Variants in ACBD6 observed in about 807,000 individuals in gnomAD.
The protein encoded by ACBD6 is acyl-CoA binding domain containing 6.
ACBD6 carries 28 observed loss-of-function variants against 37.2 expected under a neutral mutation model. The observed-to-expected ratio is 0.75, with a 90% CI of 0.56 to 1.03. The LOEUF is 1.03. Among genes scored for constraint, ACBD6 ranks in the 50% least tolerant of loss-of-function variants. The pLI is 0.00. For missense variants in ACBD6, 340 were observed against 337.4 expected (o/e 1.01, Z -0.06); for synonymous variants, 113 against 126.8 (o/e 0.89, Z 0.73).
At chr1:180,340,361 A>G (rs1443072224) in intron 6 of ACBD6, among the ~76,000 whole-genome samples, 1 of 152,064 alleles carries the variant, frequency 6.6e-6, no homozygotes, top group Non-Finnish European at 1.5e-5. Context: ...TATGGTAAAG[A>G]CTAAGAAATA....
chr1:180,333,521 T>C (rs1651570243), intron 6 of ACBD6, among the ~76,000 whole-genome samples: 1 of 152,190 alleles, frequency 6.6e-6, no homozygotes, highest in Admixed American at 6.5e-5. Flanking sequence ...TATGTAAATA[T>C]TTATCTGCAA....
chr1:180,274,461 T>C (rs1434906935), intron 10 of ACBD6: 1 of 1,614,188 alleles, frequency 6.2e-7, no homozygotes, highest in Non-Finnish European at 8.5e-7. Context: ...AGCCAGACGC[T>C]GAGAGCCATG....
At chr1:180,323,669 A>C (rs1221281983) in intron 6 of ACBD6, among the ~76,000 whole-genome samples, 1 of 151,976 alleles carries the variant, frequency 6.6e-6, no homozygotes, top group East Asian at 1.9e-4. Context: ...GTCTCTTCTT[A>C]TAGTTTTTGT....
At chr1:180,398,706 A>G (rs1446324325) in intron 5 of ACBD6, among the ~76,000 whole-genome samples, 2 of 152,270 alleles carry the variant, frequency 1.3e-5, no homozygotes, top group East Asian at 3.9e-4. Flanking sequence ...AAAAAAGCCT[A>G]CTTGGTTCAA....
intron 4 of ACBD6, among the ~76,000 whole-genome samples, chr1:180,419,466 G>A (rs571566769): frequency 1.3e-4 from 20 of 152,248 alleles, no homozygotes; most frequent in Non-Finnish European, 2.4e-4. Context: ...AGGTAATAAG[G>A]TAGGTTCAAA....
intron 6 of ACBD6, among the ~76,000 whole-genome samples, chr1:180,390,143 G>A (rs1405669143): frequency 6.6e-5 from 10 of 152,064 alleles, no homozygotes; most frequent in Non-Finnish European, 8.8e-5. Context: ...TAGGTCTAAC[G>A]TTTAAGTCTT....
At chr1:180,386,280 T>C (rs1333127545) in intron 6 of ACBD6, among the ~76,000 whole-genome samples, 2 of 152,256 alleles carry the variant, frequency 1.3e-5, no homozygotes, top group African/African-American at 4.8e-5. Context: ...TATCAGGATG[T>C]AAGCCCATCA....
intron 6 of ACBD6, among the ~76,000 whole-genome samples, chr1:180,385,343 A>C (rs928661199): frequency 6.6e-6 from 1 of 150,746 alleles, no homozygotes; most frequent in Admixed American, 6.7e-5. Flanking sequence ...ACCAGTAATT[A>C]CATTAAATGT....
chr1:180,420,752 A>G (rs1295869653), intron 4 of ACBD6, among the ~76,000 whole-genome samples: 2 of 152,242 alleles, frequency 1.3e-5, no homozygotes, highest in Non-Finnish European at 2.9e-5. Context: ...TTGTACAACC[A>G]AAAGACCAGA....
At chr1:180,435,612 A>G (rs1301080014) in intron 3 of ACBD6, 2 of 1,080,162 alleles carry the variant, frequency 1.9e-6, no homozygotes, top group East Asian at 2.4e-5. Flanking sequence ...GTTGGCTACA[A>G]GACTTATGAA....
intron 7 of ACBD6, among the ~76,000 whole-genome samples, chr1:180,289,647 C>A (rs1332700247): frequency 6.6e-6 from 1 of 152,176 alleles, no homozygotes; most frequent in Non-Finnish European, 1.5e-5. Context: ...ACACAGCAGA[C>A]CCCAAATGTA....
intron 6 of ACBD6, among the ~76,000 whole-genome samples, chr1:180,389,695 T>C (rs994047266): frequency 1.8e-4 from 27 of 152,362 alleles, no homozygotes; most frequent in African/African-American, 6.5e-4. Context: ...ATCGCCATTC[T>C]AACTGGTGTG....
rs544733351 is a variant in ACBD6 at position 180,362,342 on chromosome 1, A to G, written c.663+35174T>C. On this transcript the variant is annotated intron_variant, in intron 6 of 7. Coordinates refer to ENST00000367595, the MANE Select transcript of ACBD6 (RefSeq NM_032360.4). ...TCTACAGGGAAATCCTCAGGCTGCTAGTGCCACTTTACTAACTGCTATGTT... is the reference window on the plus strand; with the variant it reads ...TCTACAGGGAAATCCTCAGGCTGCTGGTGCCACTTTACTAACTGCTATGTT... 5.9e-5 allele frequency among the ~76,000 whole-genome samples: 9 copies of G among 152,336 alleles called. 1 individual carries two copies. In the South Asian group the frequency reaches 1.9e-3, roughly 32 times the overall value.
intron 7 of ACBD6, among the ~76,000 whole-genome samples, chr1:180,302,780 A>G (rs9425490): frequency 0.12 from 17,262 of 149,246 alleles, 1,526 homozygotes; most frequent in African/African-American, 0.25. Flanking sequence ...AGAACTCTCC[A>G]CCCCAAATCA....
intron 6 of ACBD6, among the ~76,000 whole-genome samples, chr1:180,346,557 G>A (rs755932733): frequency 2.5e-4 from 38 of 152,132 alleles, no homozygotes; most frequent in African/African-American, 8.9e-4. Context: ...GGAGAGGGAT[G>A]GTGTCTAGGA....
Position 180,502,317 on chromosome 1 carries a change from G to A in ACBD6, c.-51C>T. The A allele has an allele frequency of 6.3e-7, 1 of 1,597,446 alleles. No individual in the cohort carries two copies. The highest frequency in any genetic ancestry group is 1.3e-5 in the African/African-American group (1 of 74,776). ...GTGTCCGGTCTGTCCTCCTTGGATT[G>A]GGTGTAAGGCCGGCTTGGAGGCCTG... On this transcript the variant is annotated 5_prime_UTR_variant, in exon 1 of 8. Coordinates refer to ENST00000367595, the MANE Select transcript of ACBD6 (RefSeq NM_032360.4).
intron 5 of ACBD6, among the ~76,000 whole-genome samples, chr1:180,404,722 T>C (rs2101961991): frequency 6.6e-6 from 1 of 152,296 alleles, no homozygotes; most frequent in African/African-American, 2.4e-5. Flanking sequence ...CCTCCCAAAG[T>C]GCTAGGATGA....
At chr1:180,361,741 C>A (rs1483092703) in intron 6 of ACBD6, among the ~76,000 whole-genome samples, 1 of 152,020 alleles carries the variant, frequency 6.6e-6, no homozygotes, top group Non-Finnish European at 1.5e-5. Context: ...TTTCAAAATA[C>A]CACAGAAACA....
chr1:180,449,422 T>C (rs1184851952), intron 3 of ACBD6, among the ~76,000 whole-genome samples: 1 of 151,260 alleles, frequency 6.6e-6, no homozygotes, highest in African/African-American at 2.4e-5. Context: ...TTTTTTTTTT[T>C]TTTTTGAGAC....
Sources: allele counts gnomAD v4.1 joint callset (sites outside exome capture counted in the v4.1 genomes callset), GRCh38; gene constraint gnomAD v4.1.1; transcripts MANE v1.5; gene names NCBI Gene and HGNC (gene_info 2026-07-23, HGNC 2026-07-21).